Variants in GABRB2 observed in about 807,000 individuals in gnomAD.
The protein encoded by GABRB2 is gamma-aminobutyric acid type A receptor subunit beta2, also known as gamma-aminobutyric acid receptor subunit beta-2.
Under a neutral mutation model 54.7 loss-of-function variants are expected in GABRB2, and 16 were observed. That is an observed-to-expected ratio of 0.29 (90% confidence interval 0.20 to 0.44). The LOEUF is 0.44. Among genes scored for constraint, GABRB2 ranks in the 20% least tolerant of loss-of-function variants. The probability of loss-of-function intolerance (pLI) is 1.00; values close to 1 mark genes in which losing one functional copy is unlikely to be tolerated. For synonymous variants in GABRB2, 244 were observed against 233.8 expected, an observed-to-expected ratio of 1.04 and a Z score of -0.40; for missense variants, 355 against 644.0, an observed-to-expected ratio of 0.55 and a Z score of 4.86.
At chr5:161,446,526 C>G (rs1229139552) in intron 4 of GABRB2, among the ~76,000 whole-genome samples, 2 of 152,024 alleles carry the variant, frequency 1.3e-5, no homozygotes, top group East Asian at 3.9e-4. Flanking sequence ...CACATTCAAC[C>G]CATTAAATCA....
chr5:161,354,225 G>A (rs769956297), intron 5 of GABRB2, among the ~76,000 whole-genome samples: 1 of 151,890 alleles, frequency 6.6e-6, no homozygotes, highest in African/African-American at 2.4e-5. Flanking sequence ...TTTAATAAAC[G>A]TACCAGCTGA....
chr5:161,512,269 C>A (rs1349179377), intron 3 of GABRB2, among the ~76,000 whole-genome samples: 1 of 151,846 alleles, frequency 6.6e-6, no homozygotes, highest in Non-Finnish European at 1.5e-5. Context: ...AAAAAAGAGC[C>A]TGAATAGCCC....
intron 4 of GABRB2, among the ~76,000 whole-genome samples, chr5:161,430,169 G>T (rs1054960596): frequency 1.3e-5 from 2 of 151,796 alleles, no homozygotes; most frequent in Admixed American, 6.6e-5. Context: ...TTAGCTAGAG[G>T]TTAGCAATGG....
intron 3 of GABRB2, among the ~76,000 whole-genome samples, chr5:161,509,143 T>C (rs1581044592): frequency 6.6e-6 from 1 of 151,926 alleles, no homozygotes; most frequent in Non-Finnish European, 1.5e-5. Context: ...AAACACGGCA[T>C]GGAAAATTCA....
intron 5 of GABRB2, among the ~76,000 whole-genome samples, chr5:161,373,094 T>C (rs1561626523): frequency 1.3e-5 from 2 of 152,192 alleles, no homozygotes; most frequent in Non-Finnish European, 2.9e-5. Flanking sequence ...CACTTAGAAA[T>C]TCCTAACCGT....
chr5:161,360,348 A>G (rs1397605947), intron 5 of GABRB2, among the ~76,000 whole-genome samples: 1 of 152,226 alleles, frequency 6.6e-6, no homozygotes, highest in Non-Finnish European at 1.5e-5. Flanking sequence ...GTTTGTATAT[A>G]AGAAGGTTCA....
At position 161,546,419 on chromosome 5, in the gene GABRB2, G is replaced by A. The variant is rs567735693; in HGVS notation, c.78-6C>T. 5.6e-6 allele frequency: 9 copies of A among 1,610,976 alleles called. 1 individual carries two copies. In the South Asian group the frequency reaches 6.6e-5, roughly 12 times the overall value. ...TATTACTAGGGTCATTGACACTAAA[G>A]AAAGAAATGACAATAAGCAGGCATC... On this transcript the variant is annotated splice_region_variant and splice_polypyrimidine_tract_variant and intron_variant, in intron 1 of 9. Transcript: ENST00000393959.
chr5:161,505,722 C>T lies in GABRB2; in HGVS notation c.237+39505G>A, dbSNP rs139828599. On this transcript the variant is annotated intron_variant, in intron 3 of 9. Transcript: ENST00000393959. The stretch of plus-strand genomic sequence containing the variant: ...ATCTCATCACTAAGTTCAGAGAAAA[C>T]GTGGCAAAATTCAACACTGATTCAT... Among the ~76,000 whole-genome samples, 30 of 152,094 alleles carry T rather than the reference C, an allele frequency of 2.0e-4. 1 individual carries two copies. Among genetic ancestry groups the T allele is most frequent in the African/African-American group, 7.2e-4 (30 of 41,500 alleles).
intron 3 of GABRB2, among the ~76,000 whole-genome samples, chr5:161,513,514 T>C (rs1421012837): frequency 1.3e-5 from 2 of 152,012 alleles, no homozygotes; most frequent in Non-Finnish European, 2.9e-5. Context: ...TTATCCTAAG[T>C]GAATTAATGC....
At chr5:161,526,837 G>A (rs1760296168) in intron 3 of GABRB2, among the ~76,000 whole-genome samples, 1 of 151,364 alleles carries the variant, frequency 6.6e-6, no homozygotes, top group South Asian at 2.1e-4. Context: ...GACCTACATG[G>A]AGAAAACTAA....
At position 161,403,912 on chromosome 5, in the gene GABRB2, A is replaced by G. The variant is rs114735292; in HGVS notation, c.541+7063T>C. Among the ~76,000 whole-genome samples the G allele has an allele frequency of 5.2e-3, 799 of 152,338 alleles. 5 individuals are homozygous for G. The highest frequency in any genetic ancestry group is 9.6e-3 in the Non-Finnish European group (656 of 68,030). ...AACCTCAGAGGGAGAAAACAGAGAC[A>G]TTAAAAGAGGACATTAAACAAATAT... On this transcript the variant is annotated intron_variant, in intron 5 of 9. Coordinates refer to ENST00000393959, the MANE Select transcript of GABRB2 (RefSeq NM_001371727.1).
intron 5 of GABRB2, among the ~76,000 whole-genome samples, chr5:161,403,775 A>C (rs1756272871): frequency 6.6e-6 from 1 of 152,168 alleles, no homozygotes; most frequent in Non-Finnish European, 1.5e-5. Context: ...ATTTACCAAT[A>C]ATAATTTATT....
intron 4 of GABRB2, among the ~76,000 whole-genome samples, chr5:161,456,056 C>G (rs745587419): frequency 1.1e-4 from 16 of 152,126 alleles, no homozygotes; most frequent in Non-Finnish European, 1.6e-4. Context: ...CTTTGTTTGT[C>G]TTAATGGGAA....
chr5:161,294,264 G>T lies in GABRB2; in HGVS notation c.1356C>A (p.Gly452=). 6.2e-7 allele frequency: 1 copy of T among 1,614,106 alleles called. No homozygotes were observed. ...RKAGLPRHSF[G]RNALERHVAQ... ...CCACATGTCGTTCCAGAGCATTTCG[G>T]CCAAAACTATGCCTGGGCAACCCAG... The change falls in exon 10 of 10, where the codon GGC becomes GGA. Residue 452 remains glycine (G), a synonymous_variant. Transcript: ENST00000393959.
chr5:161,350,560 A>T (rs1490059086), intron 5 of GABRB2, among the ~76,000 whole-genome samples: 1 of 152,156 alleles, frequency 6.6e-6, no homozygotes, highest in African/African-American at 2.4e-5. Flanking sequence ...AAAAGATAGC[A>T]CATTTTGATG....
intron 3 of GABRB2, among the ~76,000 whole-genome samples, chr5:161,538,504 A>T (rs767827528): frequency 1.2e-4 from 19 of 152,308 alleles, no homozygotes; most frequent in Non-Finnish European, 2.4e-4. Context: ...TAAATACAGT[A>T]AGAATCTGAT....
chr5:161,329,425 G>A (rs1377674333), intron 8 of GABRB2: 2 of 152,040 alleles, frequency 1.3e-5, no homozygotes, highest in Non-Finnish European at 2.9e-5. Flanking sequence ...AGACCCTTAC[G>A]GTTTTTTGGT....
intron 3 of GABRB2, among the ~76,000 whole-genome samples, chr5:161,542,487 G>T (rs1270536944): frequency 6.6e-6 from 1 of 152,268 alleles, no homozygotes; most frequent in African/African-American, 2.4e-5. Flanking sequence ...AGTAAAGTGA[G>T]CCCAGTCTAT....
chr5:161,469,676 C>CAT (rs1758382813), intron 3 of GABRB2, among the ~76,000 whole-genome samples: 1 of 87,526 alleles, frequency 1.1e-5, no homozygotes, highest in South Asian at 3.4e-4. Flanking sequence ...ATTATTCACA[C>CAT]ATACACATAC....
Sources: allele counts gnomAD v4.1 joint callset (sites outside exome capture counted in the v4.1 genomes callset), GRCh38; gene constraint gnomAD v4.1.1; transcripts MANE v1.5; gene names NCBI Gene and HGNC (gene_info 2026-07-23, HGNC 2026-07-21).